AKT3: variants seen among roughly 807,000 people sequenced by gnomAD.
AKT3 encodes the protein RAC-gamma serine/threonine-protein kinase.
In AKT3, 15 loss-of-function variants were observed where a neutral mutation model predicts 65.3. That is an observed-to-expected ratio of 0.23 (90% confidence interval 0.15 to 0.35). The LOEUF is 0.35. AKT3 is among the 10% of genes least tolerant of loss of function. The pLI is 1.00. For synonymous variants in AKT3, 206 were observed against 183.8 expected (o/e 1.12, Z -0.98); for missense variants, 243 against 576.5 (o/e 0.42, Z 5.92).
At chr1:243,686,602 T>G (rs572251228) in intron 3 of AKT3, among the ~76,000 whole-genome samples, 1 of 130,186 alleles carries the variant, frequency 7.7e-6, no homozygotes, top group Non-Finnish European at 1.6e-5. Context: ...ACTATTTGGA[T>G]AGCATTTTAC....
intron 2 of AKT3, among the ~76,000 whole-genome samples, chr1:243,810,445 C>T (rs904708390): frequency 8.6e-5 from 13 of 151,962 alleles, no homozygotes; most frequent in African/African-American, 2.4e-4. Context: ...ATAAATTCCT[C>T]GACACATACA....
At chr1:243,773,156 T>C (rs1041134230) in intron 2 of AKT3, among the ~76,000 whole-genome samples, 2 of 150,604 alleles carry the variant, frequency 1.3e-5, no homozygotes, top group Admixed American at 1.3e-4. Flanking sequence ...CTGCACGTTG[T>C]GCACATGTAC....
At chr1:243,635,096 T>G (rs1328413121) in intron 6 of AKT3, among the ~76,000 whole-genome samples, 1 of 151,932 alleles carries the variant, frequency 6.6e-6, no homozygotes, top group African/African-American at 2.4e-5. Flanking sequence ...CAATAAACTT[T>G]AAAAGACAAA....
chr1:243,822,952 C>T (rs1051817412), intron 2 of AKT3, among the ~76,000 whole-genome samples: 76 of 152,100 alleles, frequency 5.0e-4, no homozygotes, highest in African/African-American at 1.7e-3. Context: ...CAACCTGACA[C>T]CAAAACCCAG....
intron 4 of AKT3, among the ~76,000 whole-genome samples, chr1:243,653,711 G>A (rs1681550554): frequency 6.6e-6 from 1 of 152,128 alleles, no homozygotes; most frequent in African/African-American, 2.4e-5. Context: ...ATATGGTTGT[G>A]AAATTGCCCA....
At chr1:243,523,844 A>T (rs1670877623) in intron 12 of AKT3, among the ~76,000 whole-genome samples, 1 of 152,206 alleles carries the variant, frequency 6.6e-6, no homozygotes, top group South Asian at 2.1e-4. Context: ...GAAGACAGGG[A>T]CTTTATCTTA....
chr1:243,561,140 T>C (rs1673746971), intron 10 of AKT3, among the ~76,000 whole-genome samples: 1 of 152,124 alleles, frequency 6.6e-6, no homozygotes, highest in Admixed American at 6.6e-5. Flanking sequence ...ATGAAATTTA[T>C]TGTATTTTAA....
chr1:243,827,802 C>T (rs1558850718), intron 2 of AKT3, among the ~76,000 whole-genome samples: 1 of 151,908 alleles, frequency 6.6e-6, no homozygotes, highest in African/African-American at 2.4e-5. Context: ...CTTGGAAATC[C>T]TATAATGAAT....
At chr1:243,850,681 C>G (rs900400550), upstream of AKT3, among the ~76,000 whole-genome samples, 15 of 151,658 alleles carry the variant, frequency 9.9e-5, no homozygotes, top group Admixed American at 5.9e-4. Flanking sequence ...GAGCGGCTTC[C>G]CCGCGTCCCC....
intron 2 of AKT3, among the ~76,000 whole-genome samples, chr1:243,842,066 A>G (rs1358307603): frequency 1.3e-5 from 2 of 152,178 alleles, no homozygotes; most frequent in African/African-American, 2.4e-5. Flanking sequence ...AATAACCACT[A>G]TATCGTTTTC....
At chr1:243,505,877 G>A (rs1204662742) in intron 13 of AKT3, among the ~76,000 whole-genome samples, 1 of 152,202 alleles carries the variant, frequency 6.6e-6, no homozygotes, top group Non-Finnish European at 1.5e-5. Context: ...AGCATGAAGG[G>A]ACTAAGTGAA....
At chr1:243,651,135 T>C (rs1681284909) in intron 4 of AKT3, among the ~76,000 whole-genome samples, 1 of 152,226 alleles carries the variant, frequency 6.6e-6, no homozygotes, top group Admixed American at 6.5e-5. Flanking sequence ...TAATTTGGAT[T>C]CCTAGGTACT....
chr1:243,665,917 T>C (rs1300993547), intron 3 of AKT3, among the ~76,000 whole-genome samples: 1 of 152,196 alleles, frequency 6.6e-6, no homozygotes, highest in Non-Finnish European at 1.5e-5. Flanking sequence ...AGTGCTTATC[T>C]GCTGTGTCCT....
intron 2 of AKT3, among the ~76,000 whole-genome samples, chr1:243,748,314 C>A: frequency 6.6e-6 from 1 of 150,614 alleles, no homozygotes; most frequent in Non-Finnish European, 1.5e-5. Flanking sequence ...GATAAAGAGG[C>A]AAAGCTATAC....
At chr1:243,792,357 G>A (rs1691685608) in intron 2 of AKT3, among the ~76,000 whole-genome samples, 1 of 152,076 alleles carries the variant, frequency 6.6e-6, no homozygotes, top group African/African-American at 2.4e-5. Flanking sequence ...CGACATTATA[G>A]ATAAAAGTCA....
Position 243,723,783 on chromosome 1 carries a change from T to C in AKT3, c.47-28067A>G, listed in dbSNP as rs548735179. Among the ~76,000 whole-genome samples the C allele has an allele frequency of 2.6e-5, 4 of 152,222 alleles. No individual in the cohort carries two copies. In the East Asian group the frequency reaches 5.8e-4, roughly 22 times the overall value. On this transcript the variant is annotated intron_variant, in intron 2 of 13. Coordinates refer to ENST00000673466, the MANE Select transcript of AKT3 (RefSeq NM_005465.7). The stretch of plus-strand genomic sequence containing the variant: ...AATACAAAAAAAAATTAGCCAAGCA[T>C]AGTGGAACCTGCCAGCAGTTCCAGC...
intron 2 of AKT3, among the ~76,000 whole-genome samples, chr1:243,821,793 G>A (rs549809901): frequency 6.6e-6 from 1 of 152,246 alleles, no homozygotes; most frequent in Admixed American, 6.5e-5. Flanking sequence ...AGTTCTTAGA[G>A]ACCTACAAAG....
intron 5 of AKT3, among the ~76,000 whole-genome samples, chr1:243,638,782 G>A (rs1680163251): frequency 6.6e-6 from 1 of 151,350 alleles, no homozygotes; most frequent in Non-Finnish European, 1.5e-5. Flanking sequence ...AAGTAAACGT[G>A]AGAAATATTT....
intron 4 of AKT3, among the ~76,000 whole-genome samples, chr1:243,663,776 T>C (rs962396132): frequency 2.6e-5 from 4 of 152,252 alleles, no homozygotes; most frequent in African/African-American, 9.6e-5. Flanking sequence ...ACAAAGTTGC[T>C]GATTAGGATC....
Sources: allele counts gnomAD v4.1 joint callset (sites outside exome capture counted in the v4.1 genomes callset), GRCh38; gene constraint gnomAD v4.1.1; transcripts MANE v1.5; gene names NCBI Gene and HGNC (gene_info 2026-07-23, HGNC 2026-07-21).